Variants in CD44 observed in about 807,000 individuals in gnomAD.
CD44 encodes CD44 antigen.
CD44 carries 49 observed loss-of-function variants against 88.8 expected under a neutral mutation model. The observed-to-expected ratio is 0.55, with a 90% CI of 0.44 to 0.70. CD44 has a LOEUF of 0.70. Among genes scored for constraint, CD44 ranks in the 30% least tolerant of loss-of-function variants. CD44 has a pLI of 0.00. For synonymous variants in CD44, 325 were observed against 312.3 expected (o/e 1.04, Z -0.43); for missense variants, 883 against 913.8 (o/e 0.97, Z 0.43).
intron 3 of CD44, 42 bp from the exon 4 acceptor site, chr11:35,186,790 A>G: frequency 9.0e-7 from 1 of 1,115,924 alleles, no homozygotes; most frequent in Non-Finnish European, 1.4e-6. Context: ...GATTTTCCTC[A>G]TGTTTTTAAA....
chr11:35,206,091 G>A, intron 10 of CD44, 21 bp from the exon 11 acceptor site: 1 of 1,585,724 alleles, frequency 6.3e-7, no homozygotes, highest in Non-Finnish European at 8.6e-7. Context: ...TTTGACAATT[G>A]CTCAAACTGC....
chr11:35,144,146 C>T lies in CD44; in HGVS notation c.67+4776C>T, dbSNP rs1050593355. Among the ~76,000 whole-genome samples the T allele has an allele frequency of 1.2e-4, 18 of 152,302 alleles. No homozygotes were observed. The Middle Eastern group carries it at 0.01, about 86-fold the overall frequency. On this transcript the variant is annotated intron_variant, in intron 1 of 17. Transcript: ENST00000428726. ...GTGTCAGATGCTTCAAGGCTGGGGT[C>T]CCCTGATGGAGAGGAGGTGGTTGGA...
intron 17 of CD44, among the ~76,000 whole-genome samples, chr11:35,226,461 C>G (rs1177206908): frequency 6.6e-6 from 1 of 152,180 alleles, no homozygotes; most frequent in Admixed American, 6.5e-5. Context: ...CCTTTTAAAT[C>G]CTCTTCATAG....
At chr11:35,150,705 C>T (rs1423789437) in intron 1 of CD44, among the ~76,000 whole-genome samples, 2 of 152,166 alleles carry the variant, frequency 1.3e-5, no homozygotes, top group Non-Finnish European at 2.9e-5. Flanking sequence ...ATTGCTGATA[C>T]GGTTCAGTCA....
intron 4 of CD44, among the ~76,000 whole-genome samples, chr11:35,189,074 A>G (rs1946008630): frequency 6.6e-6 from 1 of 152,256 alleles, no homozygotes; most frequent in Non-Finnish European, 1.5e-5. Flanking sequence ...ACTTGAGAGC[A>G]GCAAATACTT....
At chr11:35,223,017 G>T (rs1949428386) in intron 17 of CD44, 3 of 985,388 alleles carry the variant, frequency 3.0e-6, no homozygotes, top group Non-Finnish European at 3.6e-6. Flanking sequence ...AAAATCAAAT[G>T]ATGCTGTTAC....
chr11:35,215,328 C>T (rs1430263385), intron 15 of CD44, among the ~76,000 whole-genome samples: 1 of 152,218 alleles, frequency 6.6e-6, no homozygotes, highest in Non-Finnish European at 1.5e-5. Context: ...TTCCAGCCCT[C>T]CGCATATTAA....
chr11:35,140,619 C>A lies in CD44; in HGVS notation c.67+1249C>A, dbSNP rs140095592. 3.6e-4 allele frequency among the ~76,000 whole-genome samples: 55 copies of A among 152,296 alleles called. No homozygotes were observed. The East Asian group carries it at 9.3e-3, about 26-fold the overall frequency. On this transcript the variant is annotated intron_variant, in intron 1 of 17. Coordinates refer to ENST00000428726, the MANE Select transcript of CD44 (RefSeq NM_000610.4). ...AGGTGGAGGCTAGGCAGGATGAGTT[C>A]TCTGTGCATATGCATCTCCCTTTCT...
intron 14 of CD44, among the ~76,000 whole-genome samples, chr11:35,211,694 GT>G: frequency 6.6e-6 from 1 of 152,078 alleles, no homozygotes; most frequent in East Asian, 1.9e-4. Flanking sequence ...GTGTGTGTGT[GT>G]GTGTGTGTGT....
intron 3 of CD44, 39 bp from the exon 4 acceptor site, chr11:35,186,793 T>C: frequency 8.3e-7 from 1 of 1,211,136 alleles, no homozygotes; most frequent in Non-Finnish European, 1.2e-6. Flanking sequence ...TTTCCTCATG[T>C]TTTTAAAGGG....
rs144775598 is a variant in CD44, at chr11:35,188,990, C to T, written c.437-845C>T. On this transcript the variant is annotated intron_variant, in intron 4 of 17. Transcript: ENST00000428726. ...AAGCTAAATATGTGGCCAAAAAGAA[C>T]CTTTAGTCCCATCAATGCAATACAG... Among the ~76,000 whole-genome samples, 18 of 151,848 alleles carry T rather than the reference C, an allele frequency of 1.2e-4. No homozygotes were observed. The East Asian group carries it at 3.5e-3, about 29-fold the overall frequency.
At chr11:35,182,195 T>C (rs988402062) in intron 3 of CD44, among the ~76,000 whole-genome samples, 2 of 150,812 alleles carry the variant, frequency 1.3e-5, no homozygotes, top group Non-Finnish European at 2.9e-5. Context: ...TTTCTTCTAC[T>C]CACTACTAAA....
At chr11:35,192,505 G>A (rs1946359815) in intron 5 of CD44, among the ~76,000 whole-genome samples, 1 of 152,212 alleles carries the variant, frequency 6.6e-6, no homozygotes, top group Non-Finnish European at 1.5e-5. Context: ...GAGGGCAGGG[G>A]TCAAGAGGAG....
At chr11:35,205,884 T>C in intron 10 of CD44, 1 of 1,171,598 alleles carries the variant, frequency 8.5e-7, no homozygotes, top group Non-Finnish European at 1.1e-6. Context: ...TTGTTAATGC[T>C]TTTGTGTCCT....
chr11:35,145,978 G>A (rs964783785), intron 1 of CD44, among the ~76,000 whole-genome samples: 3 of 152,024 alleles, frequency 2.0e-5, no homozygotes, highest in African/African-American at 4.8e-5. Context: ...CCCATAACTG[G>A]GGCAGGTTTT....
In CD44 at chr11:35,201,780, A is replaced by T; in HGVS notation, c.1146A>T (p.Thr382=). 1 of 1,613,536 alleles carries T rather than the reference A, an allele frequency of 6.2e-7. No individual in the cohort carries two copies. The highest frequency in any genetic ancestry group is 8.5e-7 in the Non-Finnish European group (1 of 1,179,580). Residue 382 remains threonine, a synonymous_variant, in exon 9 of 18, where the codon ACA becomes ACT. Transcript: ENST00000428726. The part of the protein sequence containing the change: ...HHEEEETPHS[T]STIQATPSST... ...AGGAAGAAGAGACCCCACATTCTAC[A>T]AGCACAAGTAAGCAAGATGGCGGTC...
chr11:35,201,826 A>C, intron 9 of CD44, 39 bp downstream of exon 9: 1 of 1,605,676 alleles, frequency 6.2e-7, no homozygotes, highest in Non-Finnish European at 8.5e-7. Context: ...GGTTAGATGA[A>C]TTAGTAAAGA....
intron 14 of CD44, chr11:35,213,681 T>C (rs1345207380): frequency 6.6e-6 from 1 of 152,204 alleles, no homozygotes; most frequent in Non-Finnish European, 1.5e-5. Context: ...TTTAGAATCA[T>C]AGTGGCAGTG....
chr11:35,219,484 C>T (rs750004519), intron 16 of CD44, 97 bp downstream of exon 16: 43 of 814,496 alleles, frequency 5.3e-5, no homozygotes, highest in Non-Finnish European at 8.4e-5. Context: ...GCACATTCTC[C>T]ACAATGCCCA....
Sources: gnomAD v4.1 joint callset for allele counts (sites outside exome capture counted in the v4.1 genomes callset) on GRCh38, gnomAD v4.1.1 for gene constraint, MANE v1.5 for transcripts, NCBI Gene and HGNC (gene_info 2026-07-23, HGNC 2026-07-21) for gene names.